The following ERLEC1 variants were observed in gnomAD, a reference collection of about 807,000 sequenced individuals.
The protein encoded by ERLEC1 is ER lectin.
ERLEC1 carries 47 observed loss-of-function variants against 68.0 expected under a neutral mutation model. That is an observed-to-expected ratio of 0.69 (90% CI 0.55 to 0.88). The LOEUF is 0.88. Among genes scored for constraint, ERLEC1 ranks in the 40% least tolerant of loss-of-function variants. ERLEC1 has a pLI of 0.00. For missense variants in ERLEC1, 567 were observed against 583.8 expected, an observed-to-expected ratio of 0.97 and a Z score of 0.30; for synonymous variants, 225 against 203.2, an observed-to-expected ratio of 1.11 and a Z score of -0.91.
Position 53,817,932 on chromosome 2 carries a change from C to T in ERLEC1, c.1415C>T (p.Thr472Ile), listed in dbSNP as rs1294652307. 1 of 1,606,166 alleles carries T rather than the reference C, an allele frequency of 6.2e-7. No individual in the cohort carries two copies. The highest frequency in any genetic ancestry group is 1.3e-5 in the African/African-American group (1 of 74,860). Residue 472 changes from threonine to isoleucine, a missense_variant, in exon 14 of 14, where the codon ACA becomes ATA. Transcript: ENST00000185150. ...CCAGTGATCTGTAAAATCTTAGATA[C>T]AGCAGATGAAAATGGACTTCTTTCT... ...ESPVICKILD[T>I]ADENGLLSLP...
Position 53,809,273 on chromosome 2 carries a change from G to A in ERLEC1, c.1101G>A (p.Glu367=). The change falls in exon 10 of 14, where the codon GAG becomes GAA. Residue 367 remains glutamate (E), a splice_region_variant and synonymous_variant. Transcript: ENST00000185150. ...CYGKHVHQYH[E]DKDSGKTSVV... Reference sequence around the variant, plus strand: ...GCAAACATGTACATCAATACCATGAGGTATAGAATAGCATTTATATATCAT... The same window carrying A: ...GCAAACATGTACATCAATACCATGAAGTATAGAATAGCATTTATATATCAT... 1 of 1,549,156 alleles carries A rather than the reference G, an allele frequency of 6.5e-7. No homozygotes were observed. Among genetic ancestry groups the A allele is most frequent in the Non-Finnish European group, 8.6e-7 (1 of 1,156,626 alleles).
chr2:53,798,934 G>A (rs1287187145), intron 5 of ERLEC1, 113 bp from the exon 6 acceptor site: 17 of 804,616 alleles, frequency 2.1e-5, no homozygotes, highest in Non-Finnish European at 1.9e-6. Context: ...AATCATATGT[G>A]TTTTGGACCT....
chr2:53,797,618 A>C, intron 4 of ERLEC1, 26 bp downstream of exon 4: 2 of 1,590,918 alleles, frequency 1.3e-6, no homozygotes, highest in Non-Finnish European at 1.7e-6. Context: ...AAATATTATT[A>C]TGAAACATTA....
At position 53,809,270 on chromosome 2, in the gene ERLEC1, T is replaced by C. The variant is rs764061396; in HGVS notation, c.1098T>C (p.His366=). 6.4e-7 allele frequency: 1 copy of C among 1,566,464 alleles called. No individual in the cohort carries two copies. Among genetic ancestry groups the C allele is most frequent in the African/African-American group, 1.4e-5 (1 of 71,720 alleles). Residue 366 remains histidine, a synonymous_variant, in exon 10 of 14, where the codon CAT becomes CAC. Transcript: ENST00000185150. ...FCYGKHVHQY[H]EDKDSGKTSV... ...ATGGCAAACATGTACATCAATACCA[T>C]GAGGTATAGAATAGCATTTATATAT...
rs1459110846 is a variant in ERLEC1 at position 53,814,873 on chromosome 2, G to A, written c.1318G>A (p.Asp440Asn). 1 of 1,606,752 alleles carries A rather than the reference G, an allele frequency of 6.2e-7. No individual in the cohort carries two copies. Among genetic ancestry groups the A allele is most frequent in the Non-Finnish European group, 8.5e-7 (1 of 1,175,546 alleles). ...VTVKLKCKES[D>N]SPHAVTVYML... ...TCTCTGTTTTAGGTGCAAAGAATCA[G>A]ATTCACCTCATGCTGTTACTGTATA... Residue 440 changes from aspartate (D) to asparagine (N), a missense_variant, in exon 13 of 14, where the codon GAT becomes AAT. Coordinates refer to ENST00000185150, the MANE Select transcript of ERLEC1 (RefSeq NM_015701.5).
At chr2:53,802,731 C>T (rs1166209712) in intron 8 of ERLEC1, among the ~76,000 whole-genome samples, 2 of 152,134 alleles carry the variant, frequency 1.3e-5, no homozygotes, top group African/African-American at 2.4e-5. Flanking sequence ...TTTTGAACAG[C>T]TTAGAGTTTC....
Position 53,787,304 on chromosome 2 carries a change from C to A in ERLEC1, c.94C>A (p.Arg32=), listed in dbSNP as rs1027905453. Residue 32 remains arginine (R), a synonymous_variant, in exon 1 of 14, where the codon CGA becomes AGA. Coordinates refer to ENST00000185150, the MANE Select transcript of ERLEC1 (RefSeq NM_015701.5). ...CGLLEASGGG[R]ALPQLSDDIP... ...CCTCCTGGAGGCGTCCGGCGGCGGC[C>A]GAGCCCTTCCTCAACTCAGCGATGA... The A allele has an allele frequency of 3.1e-6, 5 of 1,610,586 alleles. No homozygotes were observed. Among genetic ancestry groups the A allele is most frequent in the Non-Finnish European group, 4.2e-6 (5 of 1,179,968 alleles).
chr2:53,803,827 G>C (rs1573086795), intron 8 of ERLEC1, among the ~76,000 whole-genome samples: 3 of 151,956 alleles, frequency 2.0e-5, no homozygotes, highest in South Asian at 4.2e-4. Context: ...AGATGATAAT[G>C]CTTTAAAAAT....
At chr2:53,791,695 C>G (rs28439002) in intron 1 of ERLEC1, among the ~76,000 whole-genome samples, 25,254 of 151,966 alleles carry the variant, frequency 0.17, 2,421 homozygotes, top group African/African-American at 0.27. Flanking sequence ...GAATTGTCTT[C>G]CCTTTTTTGC....
At chr2:53,807,477 C>T (rs1676356829) in intron 8 of ERLEC1, among the ~76,000 whole-genome samples, 1 of 152,088 alleles carries the variant, frequency 6.6e-6, no homozygotes, top group Non-Finnish European at 1.5e-5. Context: ...GTGATCTCAG[C>T]TCACTGCAAC....
chr2:53,808,129 C>T (rs1267644884), intron 8 of ERLEC1, among the ~76,000 whole-genome samples, 170 bp from the exon 9 acceptor site: 1 of 152,052 alleles, frequency 6.6e-6, no homozygotes, highest in Admixed American at 6.6e-5. Context: ...TTGTCTGGAG[C>T]TTTCTCTATG....
At chr2:53,793,952 G>T (rs574468522) in intron 1 of ERLEC1, among the ~76,000 whole-genome samples, 9 of 152,052 alleles carry the variant, frequency 5.9e-5, no homozygotes, top group Non-Finnish European at 1.3e-4. Context: ...ACCAAATACC[G>T]TATGTTTTCA....
At chr2:53,789,997 C>T (rs1454693069) in intron 1 of ERLEC1, among the ~76,000 whole-genome samples, 2 of 142,096 alleles carry the variant, frequency 1.4e-5, no homozygotes, top group South Asian at 2.3e-4. Context: ...CCATCCTGGG[C>T]GACAGAGGAG....
At chr2:53,804,989 C>CTTTTTT (rs746963770) in intron 8 of ERLEC1, among the ~76,000 whole-genome samples, 1 of 98,218 alleles carries the variant, frequency 1.0e-5, no homozygotes. Context: ...GACAGGATCT[C>CTTTTTT]TTTTTTTTTT....
chr2:53,809,197 G>C lies in ERLEC1; in HGVS notation c.1042-17G>C. On this transcript the variant is annotated splice_polypyrimidine_tract_variant and intron_variant, in intron 9 of 13. Coordinates refer to ENST00000185150, the MANE Select transcript of ERLEC1 (RefSeq NM_015701.5). The stretch of plus-strand genomic sequence containing the variant: ...CCCAGTTCTTAACTTGATCTAATAT[G>C]TTTTCTTTTTTTTTAGGGTGTCGGT... The C allele has an allele frequency of 6.4e-7, 1 of 1,570,366 alleles. No homozygotes were observed. Among genetic ancestry groups the C allele is most frequent in the Non-Finnish European group, 8.6e-7 (1 of 1,164,230 alleles).
chr2:53,817,470 A>G (rs1286075664), intron 13 of ERLEC1, among the ~76,000 whole-genome samples: 1 of 151,986 alleles, frequency 6.6e-6, no homozygotes, highest in Non-Finnish European at 1.5e-5. Flanking sequence ...GAAATTTCCT[A>G]TCTGGTCATA....
chr2:53,805,951 G>A (rs1170601023), intron 8 of ERLEC1, among the ~76,000 whole-genome samples: 1 of 152,144 alleles, frequency 6.6e-6, no homozygotes, highest in East Asian at 1.9e-4. Context: ...AAAATCTTAG[G>A]TGATACTGTA....
At chr2:53,807,465 G>A (rs557300865) in intron 8 of ERLEC1, among the ~76,000 whole-genome samples, 71 of 152,072 alleles carry the variant, frequency 4.7e-4, no homozygotes, top group African/African-American at 1.1e-3. Context: ...GAGTGTAGTG[G>A]CGTGATCTCA....
chr2:53,793,420 C>T (rs868826807), intron 1 of ERLEC1, among the ~76,000 whole-genome samples: 4 of 152,146 alleles, frequency 2.6e-5, no homozygotes, highest in Non-Finnish European at 5.9e-5. Flanking sequence ...AAATAAGGTT[C>T]TATTAGTACA....
Sources: gnomAD v4.1 joint callset for allele counts (sites outside exome capture counted in the v4.1 genomes callset) on GRCh38, gnomAD v4.1.1 for gene constraint, MANE v1.5 for transcripts, NCBI Gene and HGNC (gene_info 2026-07-23, HGNC 2026-07-21) for gene names.